MTUS2: variants seen among roughly 807,000 people sequenced by gnomAD.
The protein encoded by MTUS2 is microtubule-associated tumor suppressor candidate 2.
Under a neutral mutation model 114.1 loss-of-function variants are expected in MTUS2, and 40 were observed. That is an observed-to-expected ratio of 0.35 (90% CI 0.27 to 0.46). The LOEUF is 0.46. MTUS2 is among the 20% of genes least tolerant of loss of function. The pLI is 1.00. For missense variants in MTUS2, 1,679 were observed against 1,705.4 expected, an observed-to-expected ratio of 0.98 and a Z score of 0.27; for synonymous variants, 688 against 672.0, an observed-to-expected ratio of 1.02 and a Z score of -0.37.
chr13:28,845,567 G>T (rs1472912539), intron 2 of MTUS2, among the ~76,000 whole-genome samples: 1 of 151,840 alleles, frequency 6.6e-6, no homozygotes, highest in African/African-American at 2.4e-5. Flanking sequence ...AAATTGGAAG[G>T]AAAAAAATTA....
rs1869180551 is a variant in MTUS2, at chr13:29,350,923, A to T, written c.2906-8339A>T. ...CACTTCCCAAAGGCCCCACTTACAG[A>T]TGTCATCACATTAGGAATTAGGGCA... On this transcript the variant is annotated intron_variant, in intron 7 of 15. Transcript: ENST00000612955. Among the ~76,000 whole-genome samples the T allele has an allele frequency of 1.0e-4, 15 of 149,392 alleles. No individual in the cohort carries two copies. In the South Asian group the frequency reaches 3.0e-3, roughly 30 times the overall value.
chr13:29,310,306 C>T (rs1284134539), intron 6 of MTUS2, among the ~76,000 whole-genome samples: 2 of 152,186 alleles, frequency 1.3e-5, no homozygotes, highest in Non-Finnish European at 2.9e-5. Flanking sequence ...AATGTCTGGG[C>T]CCTTAATCAT....
intron 5 of MTUS2, among the ~76,000 whole-genome samples, chr13:29,187,839 TG>T (rs1894287395): frequency 6.6e-6 from 1 of 152,164 alleles, no homozygotes; most frequent in South Asian, 2.1e-4. Flanking sequence ...ATAAACATTC[TG>T]TGTTGATTTC....
At chr13:29,452,515 A>G (rs1169350809) in intron 9 of MTUS2, among the ~76,000 whole-genome samples, 1 of 151,080 alleles carries the variant, frequency 6.6e-6, no homozygotes, top group African/African-American at 2.4e-5. Flanking sequence ...CTCAGCCTGC[A>G]GAGTAGCTGG....
chr13:28,955,676 C>T (rs756996215), intron 2 of MTUS2, among the ~76,000 whole-genome samples: 3 of 152,074 alleles, frequency 2.0e-5, no homozygotes, highest in Non-Finnish European at 1.5e-5. Flanking sequence ...CCATTGTCTC[C>T]CTCATTCCTT....
chr13:28,969,653 C>A (rs934747310), intron 2 of MTUS2, among the ~76,000 whole-genome samples: 1 of 151,940 alleles, frequency 6.6e-6, no homozygotes, highest in Non-Finnish European at 1.5e-5. Context: ...CAGGTACGTG[C>A]AGCACCACGC....
Position 29,504,032 on chromosome 13 carries a change from CT to C in MTUS2, c.*832del. ...GATAGTCTTGTAAACACAAGTTTTGCTTTTTTCCTAAATGGCATCTCAGACT... is the reference window on the plus strand; with the variant it reads ...GATAGTCTTGTAAACACAAGTTTTGCTTTTTCCTAAATGGCATCTCAGACT... On this transcript the variant is annotated 3_prime_UTR_variant, in exon 16 of 16. Transcript: ENST00000612955. 1 of 231,886 alleles carries C rather than the reference CT, an allele frequency of 4.3e-6. No homozygotes were observed. Among genetic ancestry groups the C allele is most frequent in the Non-Finnish European group, 8.5e-6 (1 of 117,180 alleles). 14.4% of individuals were successfully genotyped at this position (231,886 alleles called of 1,614,324 possible).
At chr13:29,008,759 G>C (rs1236675513) in intron 2 of MTUS2, among the ~76,000 whole-genome samples, 4 of 152,026 alleles carry the variant, frequency 2.6e-5, no homozygotes, top group Non-Finnish European at 5.9e-5. Flanking sequence ...AGGATTTAGG[G>C]CTTTCCATTT....
At chr13:29,501,023 C>G (rs1882864923) in intron 14 of MTUS2, 74 bp from the exon 15 acceptor site, 1 of 1,163,206 alleles carries the variant, frequency 8.6e-7, no homozygotes, top group African/African-American at 1.5e-5. Flanking sequence ...CTCCAATGCC[C>G]AGAGCTGAGG....
intron 9 of MTUS2, among the ~76,000 whole-genome samples, chr13:29,469,853 AAAAG>A (rs905735291): frequency 1.1e-4 from 17 of 151,196 alleles, no homozygotes; most frequent in African/African-American, 1.7e-4. Flanking sequence ...TTTTAAAAAA[AAAAG>A]AAAGAAGGGG....
At chr13:29,018,544 G>A (rs1477712795) in intron 2 of MTUS2, among the ~76,000 whole-genome samples, 1 of 152,192 alleles carries the variant, frequency 6.6e-6, no homozygotes, top group Non-Finnish European at 1.5e-5. Context: ...GGAGGCCAAG[G>A]TGGATGGATC....
chr13:28,905,789 C>T (rs1292007982), intron 2 of MTUS2, among the ~76,000 whole-genome samples: 2 of 151,460 alleles, frequency 1.3e-5, no homozygotes, highest in African/African-American at 2.4e-5. Flanking sequence ...AGGGAGGATT[C>T]CCTCTTTTTC....
At chr13:29,382,747 G>C (rs1419879493) in intron 8 of MTUS2, among the ~76,000 whole-genome samples, 2 of 152,200 alleles carry the variant, frequency 1.3e-5, no homozygotes, top group Non-Finnish European at 2.9e-5. Context: ...CTTCATGTAA[G>C]ACACAGCACT....
chr13:29,231,843 T>C (rs576735326), intron 5 of MTUS2, among the ~76,000 whole-genome samples: 25 of 152,354 alleles, frequency 1.6e-4, no homozygotes, highest in East Asian at 5.8e-4. Flanking sequence ...AGTACAGATA[T>C]GCTTATTTGC....
At chr13:28,926,697 C>T (rs1240473022) in intron 2 of MTUS2, among the ~76,000 whole-genome samples, 1 of 152,140 alleles carries the variant, frequency 6.6e-6, no homozygotes, top group Admixed American at 6.5e-5. Flanking sequence ...ATTCTGATTT[C>T]ATCTCTTTAT....
intron 5 of MTUS2, among the ~76,000 whole-genome samples, chr13:29,247,415 TAAAAC>T (rs957137047): frequency 3.3e-5 from 5 of 152,112 alleles, no homozygotes; most frequent in Non-Finnish European, 5.9e-5. Context: ...AGATGGGACT[TAAAAC>T]TAAAAAGCTT....
intron 2 of MTUS2, among the ~76,000 whole-genome samples, chr13:28,904,095 G>T (rs370790785): frequency 5.3e-5 from 8 of 152,178 alleles, no homozygotes; most frequent in Non-Finnish European, 8.8e-5. Context: ...TCGCCCACTT[G>T]TTGATGGGGT....
chr13:29,084,640 C>T (rs562951703), intron 4 of MTUS2, among the ~76,000 whole-genome samples: 7 of 151,488 alleles, frequency 4.6e-5, no homozygotes, highest in African/African-American at 1.7e-4. Flanking sequence ...TGGGTTCAAG[C>T]GATTCTCCTG....
chr13:29,368,160 G>C (rs1349749500), intron 8 of MTUS2, among the ~76,000 whole-genome samples: 1 of 151,728 alleles, frequency 6.6e-6, no homozygotes, highest in South Asian at 2.1e-4. Flanking sequence ...GGATGGTCTC[G>C]ATCTCCTGAC....
Sources: allele counts gnomAD v4.1 joint callset (sites outside exome capture counted in the v4.1 genomes callset), GRCh38; gene constraint gnomAD v4.1.1; transcripts MANE v1.5; gene names NCBI Gene and HGNC (gene_info 2026-07-23, HGNC 2026-07-21).